Variants in SCAPER observed in about 807,000 individuals in gnomAD.
The protein encoded by SCAPER is S-phase cyclin A associated protein in the ER.
Under a neutral mutation model 182.2 loss-of-function variants are expected in SCAPER, and 98 were observed. The observed-to-expected ratio is 0.54, with a 90% confidence interval of 0.46 to 0.64. The LOEUF (loss-of-function observed/expected upper bound fraction) is 0.64. Among genes scored for constraint, SCAPER ranks in the 30% least tolerant of loss-of-function variants. The probability of loss-of-function intolerance (pLI) is 0.00; values close to 1 mark genes in which losing one functional copy is unlikely to be tolerated. For missense variants in SCAPER, 1,432 were observed against 1,690.0 expected (o/e 0.85, Z 2.68); for synonymous variants, 605 against 564.6 (o/e 1.07, Z -1.01).
At chr15:76,588,257 T>A (rs1166839881) in intron 22 of SCAPER, among the ~76,000 whole-genome samples, 1 of 152,134 alleles carries the variant, frequency 6.6e-6, no homozygotes, top group African/African-American at 2.4e-5. Context: ...AGTAGTTGTT[T>A]TATAAATTTG....
intron 5 of SCAPER, among the ~76,000 whole-genome samples, chr15:76,820,957 T>C (rs2067494309): frequency 6.6e-6 from 1 of 152,124 alleles, no homozygotes; most frequent in Non-Finnish European, 1.5e-5. Context: ...ATGACCAAAA[T>C]CCAGAAAACT....
At chr15:76,444,293 T>A (rs1382403534) in intron 25 of SCAPER, among the ~76,000 whole-genome samples, 1 of 152,192 alleles carries the variant, frequency 6.6e-6, no homozygotes, top group Non-Finnish European at 1.5e-5. Context: ...TGCACTGACA[T>A]GGTTAAATTC....
At chr15:76,616,336 A>G (rs573699823) in intron 22 of SCAPER, among the ~76,000 whole-genome samples, 1 of 152,196 alleles carries the variant, frequency 6.6e-6, no homozygotes, top group Non-Finnish European at 1.5e-5. Flanking sequence ...ATAAATCTTG[A>G]GGATATTATG....
At chr15:76,750,608 T>C (rs1000073665) in intron 15 of SCAPER, among the ~76,000 whole-genome samples, 3 of 151,774 alleles carry the variant, frequency 2.0e-5, no homozygotes, top group Admixed American at 6.6e-5. Context: ...GTACAACATA[T>C]GAAAACTGGC....
At chr15:76,901,125 G>C (rs1159622525) in intron 1 of SCAPER, among the ~76,000 whole-genome samples, 1 of 152,194 alleles carries the variant, frequency 6.6e-6, no homozygotes, top group Non-Finnish European at 1.5e-5. Flanking sequence ...AGCTACTCAG[G>C]AGGCTGAGGC....
chr15:76,871,566 A>G (rs1258675547), intron 2 of SCAPER, among the ~76,000 whole-genome samples: 1 of 149,166 alleles, frequency 6.7e-6, no homozygotes, highest in Non-Finnish European at 1.5e-5. Context: ...TATCTGTTAC[A>G]ATTTGCTTTT....
chr15:76,872,215 A>C (rs989783934), intron 2 of SCAPER, among the ~76,000 whole-genome samples: 1 of 152,144 alleles, frequency 6.6e-6, no homozygotes, highest in Non-Finnish European at 1.5e-5. Context: ...TATAAGACAC[A>C]GTGAAAAAGT....
At chr15:76,881,932 A>C (rs1195937383) in intron 2 of SCAPER, among the ~76,000 whole-genome samples, 1 of 152,238 alleles carries the variant, frequency 6.6e-6, no homozygotes, top group Non-Finnish European at 1.5e-5. Flanking sequence ...AGGGAAGAAG[A>C]GGAAGAAGAG....
intron 20 of SCAPER, among the ~76,000 whole-genome samples, chr15:76,674,551 T>C (rs2057249900): frequency 6.6e-6 from 1 of 152,152 alleles, no homozygotes; most frequent in African/African-American, 2.4e-5. Context: ...TTAAGGTCCA[T>C]TTACTCTTCC....
intron 20 of SCAPER, among the ~76,000 whole-genome samples, chr15:76,688,785 A>G (rs948867518): frequency 2.1e-5 from 3 of 145,976 alleles, no homozygotes; most frequent in East Asian, 4.0e-4. Context: ...ATTGGTCTAT[A>G]TATCTGTTTT....
At chr15:76,804,450 T>C in intron 6 of SCAPER, 83 bp downstream of exon 6, 6 of 825,126 alleles carry the variant, frequency 7.3e-6, no homozygotes, top group Non-Finnish European at 1.1e-5. Flanking sequence ...CAACTCAATA[T>C]GAGGTTAAGT....
intron 5 of SCAPER, among the ~76,000 whole-genome samples, chr15:76,836,071 T>C (rs1233364558): frequency 6.6e-6 from 1 of 151,694 alleles, no homozygotes; most frequent in Non-Finnish European, 1.5e-5. Context: ...TGCTCATGGA[T>C]AGGAAGAATC....
chr15:76,512,382 C>A (rs1454504335), intron 23 of SCAPER, among the ~76,000 whole-genome samples: 3 of 151,986 alleles, frequency 2.0e-5, no homozygotes, highest in Non-Finnish European at 4.4e-5. Context: ...TCCTTAACAA[C>A]CATTAAGAAG....
chr15:76,520,024 T>C (rs764480398), intron 23 of SCAPER, among the ~76,000 whole-genome samples: 27 of 152,178 alleles, frequency 1.8e-4, no homozygotes, highest in Non-Finnish European at 3.7e-4. Flanking sequence ...ATAAAACCTC[T>C]ATTTTAGCTA....
At chr15:76,774,829 G>A (rs1423933041) in intron 9 of SCAPER, 26 bp downstream of exon 9, 2 of 1,588,058 alleles carry the variant, frequency 1.3e-6, no homozygotes, top group Non-Finnish European at 1.7e-6. Flanking sequence ...GAAAAAGACA[G>A]TAAAAGGATT....
chr15:76,396,599 T>G (rs923669116), intron 27 of SCAPER, among the ~76,000 whole-genome samples: 1 of 152,216 alleles, frequency 6.6e-6, no homozygotes, highest in African/African-American at 2.4e-5. Context: ...GGGATTACTT[T>G]TTTTGATTTC....
At chr15:76,495,751 G>T (rs1025593453) in intron 24 of SCAPER, among the ~76,000 whole-genome samples, 5 of 152,054 alleles carry the variant, frequency 3.3e-5, no homozygotes, top group Admixed American at 6.5e-5. Flanking sequence ...GCTTTGAAAT[G>T]ATATAAACCA....
rs1322775731 is a variant in SCAPER at position 76,817,585 on chromosome 15, CA to C, written c.394-12953del. 2.6e-5 allele frequency among the ~76,000 whole-genome samples: 4 copies of C among 152,136 alleles called. No individual in the cohort carries two copies. The East Asian group carries it at 7.7e-4, about 29-fold the overall frequency. On this transcript the variant is annotated intron_variant, in intron 5 of 31. Coordinates refer to ENST00000563290, the MANE Select transcript of SCAPER (RefSeq NM_020843.4). ...AGTTTTGTTACTCTTACCACACACA[CA>C]AAAAGGTAACTATGTGAGGTGATAG...
At chr15:76,668,316 A>G (rs2056774559) in intron 20 of SCAPER, among the ~76,000 whole-genome samples, 1 of 152,144 alleles carries the variant, frequency 6.6e-6, no homozygotes, top group Non-Finnish European at 1.5e-5. Context: ...AAAAATGGCC[A>G]CTTATTTTTT....
Sources: gnomAD v4.1 joint callset for allele counts (sites outside exome capture counted in the v4.1 genomes callset) on GRCh38, gnomAD v4.1.1 for gene constraint, MANE v1.5 for transcripts, NCBI Gene and HGNC (gene_info 2026-07-23, HGNC 2026-07-21) for gene names.